Variants in ZNF429 observed in about 807,000 individuals in gnomAD.
The protein encoded by ZNF429 is zinc finger protein 429.
A neutral mutation model predicts 56.8 loss-of-function variants in ZNF429; 53 were observed. The ratio of observed to expected loss-of-function variants is 0.93; its 90% CI spans 0.75 to 1.17. The LOEUF (loss-of-function observed/expected upper bound fraction) is 1.17. Ranked by LOEUF, ZNF429 falls within the 50% of genes most tolerant of loss-of-function variation. The pLI, the probability that ZNF429 is intolerant of heterozygous loss-of-function variation, is 0.00. For synonymous variants in ZNF429, 278 were observed against 264.7 expected (o/e 1.05, Z -0.49); for missense variants, 849 against 788.4 (o/e 1.08, Z -0.92).
intron 3 of ZNF429, among the ~76,000 whole-genome samples, chr19:21,535,491 T>G: frequency 1.5e-5 from 2 of 130,408 alleles, no homozygotes; most frequent in African/African-American, 6.4e-5. Flanking sequence ...TTTCTTTCTT[T>G]CTTTCTTCTT....
chr19:21,530,541 A>G, intron 2 of ZNF429, 48 bp from the exon 3 acceptor site: 1 of 1,394,162 alleles, frequency 7.2e-7, no homozygotes, highest in Non-Finnish European at 9.8e-7. Flanking sequence ...TAAATTGGTA[A>G]TTACAGAATA....
intron 1 of ZNF429, among the ~76,000 whole-genome samples, chr19:21,520,104 C>T (rs2032936180): frequency 6.6e-6 from 1 of 152,156 alleles, no homozygotes; most frequent in Non-Finnish European, 1.5e-5. Context: ...GGCAGTCCAC[C>T]TGCCTCAGCC....
intron 1 of ZNF429, among the ~76,000 whole-genome samples, chr19:21,519,461 G>A (rs1226285029): frequency 6.6e-6 from 1 of 152,192 alleles, no homozygotes. Flanking sequence ...GCAAGCCTAG[G>A]TAACAGCCAT....
At chr19:21,508,759 G>A (rs938887424) in intron 1 of ZNF429, among the ~76,000 whole-genome samples, 2 of 151,060 alleles carry the variant, frequency 1.3e-5, no homozygotes, top group African/African-American at 4.9e-5. Context: ...ATTTTGGAAT[G>A]CTACCAAGGA....
intron 1 of ZNF429, among the ~76,000 whole-genome samples, chr19:21,516,245 T>TC (rs2032736907): frequency 2.0e-5 from 3 of 151,356 alleles, no homozygotes; most frequent in East Asian, 2.0e-4. Context: ...TCATCATCAT[T>TC]ATTATTATTA....
chr19:21,506,144 A>G (rs1396695692), intron 1 of ZNF429: 1 of 165,092 alleles, frequency 6.1e-6, no homozygotes, highest in South Asian at 1.3e-4. Context: ...TGGGGTTCCC[A>G]GTTCCCATTC....
chr19:21,507,923 T>G (rs2032258186), intron 1 of ZNF429, among the ~76,000 whole-genome samples: 1 of 152,122 alleles, frequency 6.6e-6, no homozygotes, highest in African/African-American at 2.4e-5. Context: ...AACAAATAAT[T>G]TCTGACCCCT....
chr19:21,508,228 A>C (rs552090027), intron 1 of ZNF429, among the ~76,000 whole-genome samples: 1 of 151,054 alleles, frequency 6.6e-6, no homozygotes, highest in East Asian at 1.9e-4. Context: ...GTGCAACACG[A>C]GTGAAACTCC....
chr19:21,530,835 G>T, intron 3 of ZNF429, 151 bp downstream of exon 3: 1 of 631,706 alleles, frequency 1.6e-6, no homozygotes, highest in East Asian at 2.9e-5. Context: ...GCCTGGCACA[G>T]TGGTTCACAC....
chr19:21,512,310 C>T (rs911407999), intron 1 of ZNF429, among the ~76,000 whole-genome samples: 4 of 151,988 alleles, frequency 2.6e-5, no homozygotes, highest in African/African-American at 2.4e-5. Flanking sequence ...CCTTTACTGC[C>T]GTCTGTTTTA....
chr19:21,517,558 G>T (rs1429781770), intron 1 of ZNF429, among the ~76,000 whole-genome samples: 2 of 64,944 alleles, frequency 3.1e-5, no homozygotes, highest in Non-Finnish European at 6.6e-5. Flanking sequence ...TGAATCTGTG[G>T]GTCCTAGGCT....
chr19:21,528,851 T>C (rs930010648), intron 1 of ZNF429, among the ~76,000 whole-genome samples: 5 of 152,242 alleles, frequency 3.3e-5, no homozygotes, highest in African/African-American at 9.6e-5. Context: ...TCTTTCTGTA[T>C]GCACCAGCAC....
Position 21,535,320 on chromosome 19 carries a change from T to TTTCTTTCTTTCTTTCTTTCC in ZNF429, c.227-952_227-951insTTCTTTCTTTCCTTCTTTCT. Among the ~76,000 whole-genome samples the TTTCTTTCTTTCTTTCTTTCC allele has an allele frequency of 3.0e-4, 40 of 134,778 alleles. 3 individuals carry two copies. The highest frequency in any genetic ancestry group is 1.2e-3 in the African/African-American group (38 of 32,216). 88.4% of individuals were successfully genotyped at this position (134,778 alleles called of 152,430 possible). A position where few individuals can be genotyped will look rare whatever the true frequency, so the allele number is the denominator to read the frequency against. On this transcript the variant is annotated intron_variant, in intron 3 of 3. Coordinates refer to ENST00000358491, the MANE Select transcript of ZNF429 (RefSeq NM_001001415.4). ...CCTTCTTTCTTTCTTTCTTTCTTTC[T>TTTCTTTCTTTCTTTCTTTCC]TTCTTTCTCTTTTCTTTTCTTTCCT...
At chr19:21,507,222 C>G (rs1006189997) in intron 1 of ZNF429, among the ~76,000 whole-genome samples, 1 of 152,170 alleles carries the variant, frequency 6.6e-6, no homozygotes, top group Non-Finnish European at 1.5e-5. Context: ...CTCCCACGCC[C>G]CCCATTCCTC....
At chr19:21,536,145 T>C in intron 3 of ZNF429, 135 bp from the exon 4 acceptor site, 1 of 900,318 alleles carries the variant, frequency 1.1e-6, no homozygotes, top group African/African-American at 1.7e-5. Context: ...TATATGTTTA[T>C]GAAGAAATTA....
intron 1 of ZNF429, 26 bp downstream of exon 1, chr19:21,505,800 C>G (rs10420016): frequency 0.75 from 1,213,276 of 1,609,092 alleles, 460,013 homozygotes; most frequent in African/African-American, 0.95. Flanking sequence ...CTGACATCCC[C>G]AGAGAGGGGG....
intron 3 of ZNF429, among the ~76,000 whole-genome samples, chr19:21,531,925 TA>T: frequency 6.6e-6 from 1 of 150,764 alleles, no homozygotes; most frequent in Non-Finnish European, 1.5e-5. Flanking sequence ...TCTAAACTAG[TA>T]AATGCCCTTA....
At chr19:21,516,044 GT>G (rs566423496) in intron 1 of ZNF429, among the ~76,000 whole-genome samples, 1 of 151,470 alleles carries the variant, frequency 6.6e-6, no homozygotes, top group South Asian at 2.1e-4. Flanking sequence ...TTTGTTTTTT[GT>G]TTTTTTGTTT....
In ZNF429 at chr19:21,536,619, CT is replaced by C; in HGVS notation, c.567del (p.Gln190AsnfsTer116). On this transcript the variant is annotated frameshift_variant, in exon 4 of 4. Coordinates refer to ENST00000358491, the MANE Select transcript of ZNF429 (RefSeq NM_001001415.4). LOFTEE classifies it high-confidence loss of function. ...GKSFCMLSQL[T>X]QHKKIHIREN... ...TCATTTTGCATGCTTTCACAACTAA[CT>C]CAACATAAGAAAATTCATATTAGAG... 6.2e-7 allele frequency: 1 copy of C among 1,613,686 alleles called. No individual in the cohort carries two copies. The highest frequency in any genetic ancestry group is 8.5e-7 in the Non-Finnish European group (1 of 1,179,852).
Sources: gnomAD v4.1 joint callset for allele counts (sites outside exome capture counted in the v4.1 genomes callset) on GRCh38, gnomAD v4.1.1 for gene constraint, MANE v1.5 for transcripts, NCBI Gene and HGNC (gene_info 2026-07-23, HGNC 2026-07-21) for gene names.